Variants in ATP8A2 observed in about 807,000 individuals in gnomAD.
ATP8A2 encodes phospholipid-transporting ATPase IB.
Under a neutral mutation model 165.6 loss-of-function variants are expected in ATP8A2, and 100 were observed. The observed-to-expected ratio is 0.60, with a 90% confidence interval of 0.51 to 0.71. The LOEUF is 0.71. Ranked by LOEUF, ATP8A2 falls within the 30% of genes least tolerant of loss-of-function variation. The pLI, the probability that ATP8A2 is intolerant of heterozygous loss-of-function variation, is 0.00. For missense variants in ATP8A2, 1,227 were observed against 1,479.5 expected (o/e 0.83, Z 2.80); for synonymous variants, 543 against 548.8 (o/e 0.99, Z 0.15).
chr13:25,951,164 C>CA lies in ATP8A2; in HGVS notation c.3184-10404dup, dbSNP rs1167800306. Among the ~76,000 whole-genome samples the CA allele has an allele frequency of 2.6e-5, 4 of 152,054 alleles. No individual in the cohort carries two copies. The South Asian group carries it at 8.3e-4, about 32-fold the overall frequency. ...AGAACTGGAAACATATGTCCACACG[C>CA]AAAAAAAGACTTGTAGAAGCTTGTA... On this transcript the variant is annotated intron_variant, in intron 33 of 36. Transcript: ENST00000381655.
chr13:25,554,983 T>C lies in ATP8A2; in HGVS notation c.1186-8T>C. On this transcript the variant is annotated splice_polypyrimidine_tract_variant and splice_region_variant and intron_variant, in intron 12 of 36. Transcript: ENST00000381655. ...CTGAAATCCTGTCTCTTGTTCTCTC[T>C]CTCTCAGGACACAGATATGTATTAT... 1 of 1,568,272 alleles carries C rather than the reference T, an allele frequency of 6.4e-7. No individual in the cohort carries two copies.
At position 25,545,589 on chromosome 13, in the gene ATP8A2, C is replaced by T. The variant is rs145770961; in HGVS notation, c.891+2187C>T. 3.4e-3 allele frequency among the ~76,000 whole-genome samples: 517 copies of T among 152,264 alleles called. 5 individuals carry two copies. Among genetic ancestry groups the T allele is most frequent in the African/African-American group, 0.011 (478 of 41,568 alleles). On this transcript the variant is annotated intron_variant, in intron 10 of 36. Coordinates refer to ENST00000381655, the MANE Select transcript of ATP8A2 (RefSeq NM_016529.6). ...TGCAGTGTCAGTAACCCTTGCTGCA[C>T]GCTTTGGGAGCTCCACTAACCACAA... is the stretch of plus-strand genomic sequence containing the variant.
At chr13:25,642,731 A>T (rs2041561842) in intron 24 of ATP8A2, among the ~76,000 whole-genome samples, 1 of 152,248 alleles carries the variant, frequency 6.6e-6, no homozygotes, top group Non-Finnish European at 1.5e-5. Context: ...CCAAAGGATT[A>T]TAAATCCTGC....
At chr13:25,814,921 G>A (rs1950971263) in intron 27 of ATP8A2, among the ~76,000 whole-genome samples, 1 of 152,080 alleles carries the variant, frequency 6.6e-6, no homozygotes, top group Admixed American at 6.5e-5. Context: ...TCATGGGGAT[G>A]AGGCGGGTGC....
chr13:25,794,570 G>C lies in ATP8A2; in HGVS notation c.2679+19611G>C, dbSNP rs114663820. 3.6e-3 allele frequency among the ~76,000 whole-genome samples: 552 copies of C among 152,238 alleles called. 2 individuals carry two copies. The highest frequency in any genetic ancestry group is 0.013 in the African/African-American group (526 of 41,550). On this transcript the variant is annotated intron_variant, in intron 27 of 36. Transcript: ENST00000381655. ...GACTACAAAGGAGCACAAAGGGTTT[G>C]GGAGAGTGACAGAAATACTCGGTGT...
Position 25,372,206 on chromosome 13 carries a change from G to A in ATP8A2, c.-7G>A, listed in dbSNP as rs759310550. On this transcript the variant is annotated 5_prime_UTR_variant, in exon 1 of 37. Coordinates refer to ENST00000381655, the MANE Select transcript of ATP8A2 (RefSeq NM_016529.6). The surrounding 1 kb of genome is among the most constrained non-coding windows in gnomAD (Gnocchi z 4.8). ...CCCGGGGCCGCCGAGCCCCCGACAC[G>A]GGCGAGATGCTGAACGGCGCAGGCC... is the stretch of plus-strand genomic sequence containing the variant. 2.8e-6 allele frequency: 4 copies of A among 1,434,260 alleles called. 1 individual carries two copies. Among genetic ancestry groups the A allele is most frequent in the South Asian group, 2.8e-5 (2 of 71,366 alleles). 88.8% of individuals were successfully genotyped at this position (1,434,260 alleles called of 1,614,324 possible).
intron 2 of ATP8A2, among the ~76,000 whole-genome samples, chr13:25,527,220 A>G (rs1383439061): frequency 6.6e-6 from 1 of 152,166 alleles, no homozygotes; most frequent in Non-Finnish European, 1.5e-5. Flanking sequence ...TGCTCTGCTG[A>G]ATTAAATTCA....
chr13:25,991,808 T>G (rs976508493), intron 35 of ATP8A2, among the ~76,000 whole-genome samples: 1 of 152,214 alleles, frequency 6.6e-6, no homozygotes, highest in South Asian at 2.1e-4. Context: ...AACATTTGTT[T>G]ACTGGCTTTT....
intron 35 of ATP8A2, among the ~76,000 whole-genome samples, chr13:25,988,824 A>G (rs1472503613): frequency 6.6e-6 from 1 of 152,252 alleles, no homozygotes; most frequent in Non-Finnish European, 1.5e-5. Context: ...TCTGAAGTCC[A>G]AGAAACAAAT....
intron 33 of ATP8A2, among the ~76,000 whole-genome samples, chr13:25,875,029 T>C (rs572280123): frequency 2.3e-4 from 35 of 152,098 alleles, no homozygotes; most frequent in African/African-American, 8.2e-4. Context: ...AAATACTCTA[T>C]GGTTCTGCTT....
chr13:25,387,594 G>C (rs181329884), intron 1 of ATP8A2, among the ~76,000 whole-genome samples: 1 of 152,034 alleles, frequency 6.6e-6, no homozygotes, highest in Non-Finnish European at 1.5e-5. Context: ...ACTTCGAGGC[G>C]CACGTAGAGA....
At chr13:25,429,635 C>T (rs566181668) in intron 1 of ATP8A2, among the ~76,000 whole-genome samples, 26 of 152,248 alleles carry the variant, frequency 1.7e-4, no homozygotes, top group African/African-American at 5.3e-4. Context: ...CCGGTGGTTC[C>T]GCAGGCACTT....
intron 25 of ATP8A2, among the ~76,000 whole-genome samples, chr13:25,758,783 C>T (rs1241697728): frequency 6.6e-6 from 1 of 152,154 alleles, no homozygotes; most frequent in Non-Finnish European, 1.5e-5. Context: ...GAATGCCACT[C>T]CTGTTTTTTT....
At chr13:25,817,646 A>G (rs2478075) in intron 27 of ATP8A2, among the ~76,000 whole-genome samples, 151,532 of 152,226 alleles carry the variant, frequency 1, 75,425 homozygotes, top group East Asian at 1. Flanking sequence ...TTATACTCTC[A>G]AGATTAAAAT....
At chr13:25,609,357 G>A (rs192015011) in intron 24 of ATP8A2, among the ~76,000 whole-genome samples, 4 of 151,804 alleles carry the variant, frequency 2.6e-5, no homozygotes, top group Admixed American at 1.3e-4. Flanking sequence ...AAAATCCATT[G>A]CATTCAAAAT....
At chr13:25,764,104 ATCT>A (rs1169913864) in intron 25 of ATP8A2, among the ~76,000 whole-genome samples, 1 of 152,168 alleles carries the variant, frequency 6.6e-6, no homozygotes, top group Non-Finnish European at 1.5e-5. Context: ...TCCAATTGAA[ATCT>A]TCTGATATAT....
intron 24 of ATP8A2, 99 bp downstream of exon 24, chr13:25,589,798 A>G (rs1343568013): frequency 1.4e-6 from 1 of 732,432 alleles, no homozygotes; most frequent in African/African-American, 1.8e-5. Context: ...TTGCTAAAAA[A>G]CAGTTATGAA....
chr13:25,930,279 C>T (rs1438192860), intron 33 of ATP8A2, among the ~76,000 whole-genome samples: 1 of 152,212 alleles, frequency 6.6e-6, no homozygotes, highest in Non-Finnish European at 1.5e-5. Context: ...TAGAATTATA[C>T]TTAGAACCCA....
At chr13:25,435,940 TGTGTGTGTGTG>T (rs2034755065) in intron 1 of ATP8A2, among the ~76,000 whole-genome samples, 1 of 91,922 alleles carries the variant, frequency 1.1e-5, no homozygotes, top group Non-Finnish European at 2.5e-5. Flanking sequence ...TGAGTGTGTG[TGTGTGTGTGTG>T]AGTGTGTGTG....
Sources: gnomAD v4.1 joint callset for allele counts (sites outside exome capture counted in the v4.1 genomes callset) on GRCh38, gnomAD v4.1.1 for gene constraint, Gnocchi (gnomAD v3.1) non-coding constraint, MANE v1.5 for transcripts, NCBI Gene and HGNC (gene_info 2026-07-23, HGNC 2026-07-21) for gene names.